Variants in CRMP1 observed in about 807,000 individuals in gnomAD.
The protein encoded by CRMP1 is collapsin response mediator protein 1, also known as dihydropyrimidinase-related protein 1.
In CRMP1, 19 loss-of-function variants were observed where a neutral mutation model predicts 68.3. The observed-to-expected ratio is 0.28, with a 90% CI of 0.19 to 0.41. The LOEUF (loss-of-function observed/expected upper bound fraction) is 0.41, where lower values mean the gene tolerates loss of function less well. Among genes scored for constraint, CRMP1 ranks in the 10% least tolerant of loss-of-function variants. The probability of loss-of-function intolerance (pLI) is 1.00; values close to 1 mark genes in which losing one functional copy is unlikely to be tolerated. For missense variants in CRMP1, 791 were observed against 967.4 expected, an observed-to-expected ratio of 0.82 and a Z score of 2.42; for synonymous variants, 439 against 399.6, an observed-to-expected ratio of 1.10 and a Z score of -1.18.
Position 5,834,248 on chromosome 4 carries a change from A to G in CRMP1, c.1623+1667T>C, listed in dbSNP as rs781157448. Among the ~76,000 whole-genome samples the G allele has an allele frequency of 6.6e-6, 1 of 152,176 alleles. No individual in the cohort carries two copies. Among genetic ancestry groups the G allele is most frequent in the Non-Finnish European group, 1.5e-5 (1 of 68,032 alleles). On this transcript the variant is annotated intron_variant, in intron 11 of 13. Coordinates refer to ENST00000324989, the MANE Select transcript of CRMP1 (RefSeq NM_001014809.3). This position sits in a 1 kb window ranked among gnomAD's most constrained non-coding sequence, Gnocchi z 4.3. ...GCTATGGTTGGAATATCCCCTCAAA[A>G]TTCAACTGGACATTGACTTGCCATT... is the stretch of plus-strand genomic sequence containing the variant.
chr4:5,884,139 T>C (rs1222022477), intron 1 of CRMP1, among the ~76,000 whole-genome samples: 1 of 152,204 alleles, frequency 6.6e-6, no homozygotes, highest in Non-Finnish European at 1.5e-5. Flanking sequence ...TCAGTCCTGC[T>C]ATTCGACTTC....
At position 5,892,856 on chromosome 4, in the gene CRMP1, C is replaced by T. The variant is rs1245349042; in HGVS notation, c.114G>A (p.Ala38=). Residue 38 remains alanine, a synonymous_variant, in exon 1 of 14, where the codon GCG becomes GCA. Coordinates refer to ENST00000324989, the MANE Select transcript of CRMP1 (RefSeq NM_001014809.3). This position sits in a 1 kb window ranked among gnomAD's most constrained non-coding sequence, Gnocchi z 8.6. ...TCTTGTTCTCGTAGGCGCCCTCCAC[C>T]GCGGCGAACATGCCGCCGTACTTCT... is the stretch of plus-strand genomic sequence containing the variant. ...PRQKYGGMFA[A]VEGAYENKTI... is the part of the protein sequence containing the mutation. The T allele has an allele frequency of 2.1e-6, 3 of 1,417,084 alleles. No homozygotes were observed. Among genetic ancestry groups the T allele is most frequent in the Non-Finnish European group, 1.9e-6 (2 of 1,074,472 alleles). The allele number at this position is 1,417,084 out of a possible 1,614,324, so 87.8% of individuals were successfully genotyped here. A position where few individuals can be genotyped will look rare whatever the true frequency, so the allele number is the denominator to read the frequency against.
At position 5,866,374 on chromosome 4, in the gene CRMP1, C is replaced by T. The variant is rs1373163280; in HGVS notation, c.470+294G>A. The stretch of plus-strand genomic sequence containing the variant: ...CCCAGACTCATTGGCCTGCCGCCTC[C>T]AAAACCACAAAACAGGAAACGTGTC... On this transcript the variant is annotated intron_variant, in intron 2 of 13. Coordinates refer to ENST00000324989, the MANE Select transcript of CRMP1 (RefSeq NM_001014809.3). This position sits in a 1 kb window ranked among gnomAD's most constrained non-coding sequence, Gnocchi z 5.9. Among the ~76,000 whole-genome samples, 1 of 152,216 alleles carries T rather than the reference C, an allele frequency of 6.6e-6. No individual in the cohort carries two copies. Among genetic ancestry groups the T allele is most frequent in the African/African-American group, 2.4e-5 (1 of 41,458 alleles).
At position 5,865,088 on chromosome 4, in the gene CRMP1, C is replaced by G. The variant is rs1713889810; in HGVS notation, c.470+1580G>C. Among the ~76,000 whole-genome samples the G allele has an allele frequency of 6.6e-6, 1 of 151,980 alleles. No individual in the cohort carries two copies. The highest frequency in any genetic ancestry group is 6.5e-5 in the Admixed American group (1 of 15,270). ...CCCCAGCCTCCTCCTCCTCCTCCAT[C>G]ATCATCTCCAAAGCCCACACGGGCC... is the stretch of plus-strand genomic sequence containing the variant. On this transcript the variant is annotated intron_variant, in intron 2 of 13. Coordinates refer to ENST00000324989, the MANE Select transcript of CRMP1 (RefSeq NM_001014809.3). The surrounding 1 kb of genome is among the most constrained non-coding windows in gnomAD (Gnocchi z 4.1).
chr4:5,856,882 C>CCACCCACTATCAT (rs1713118105), intron 3 of CRMP1, among the ~76,000 whole-genome samples: 1 of 151,640 alleles, frequency 6.6e-6, no homozygotes, highest in African/African-American at 2.4e-5. Flanking sequence ...ATCACCACCA[C>CCACCCACTATCAT]CACCACCATC....
In CRMP1 at chr4:5,841,257, C is replaced by T. The variant is rs774383809; in HGVS notation, c.1153+51G>A. The T allele has an allele frequency of 2.5e-6, 4 of 1,613,066 alleles. No homozygotes were observed. The highest frequency in any genetic ancestry group is 3.4e-6 in the Non-Finnish European group (4 of 1,179,624). Reference sequence around the variant, plus strand: ...GGAGTGAACTTGAACCTGCAGGACACCCCCTTCCAGGCCCCAGCTGCCCCC... The same window carrying T: ...GGAGTGAACTTGAACCTGCAGGACATCCCCTTCCAGGCCCCAGCTGCCCCC... On this transcript the variant is annotated intron_variant, in intron 8 of 13. Coordinates refer to ENST00000324989, the MANE Select transcript of CRMP1 (RefSeq NM_001014809.3). The surrounding 1 kb of genome is among the most constrained non-coding windows in gnomAD (Gnocchi z 6.9).
rs1169236025 is a variant in CRMP1, at chr4:5,842,552, C to A, written c.1032+541G>T. On this transcript the variant is annotated intron_variant, in intron 7 of 13. Coordinates refer to ENST00000324989, the MANE Select transcript of CRMP1 (RefSeq NM_001014809.3). This position sits in a 1 kb window ranked among gnomAD's most constrained non-coding sequence, Gnocchi z 4.5. ...CGATCAGCTTGCCTTCCTCCTTCCA[C>A]ACTCCCTGCAGGTGCATGCACATGC... Among the ~76,000 whole-genome samples the A allele has an allele frequency of 6.6e-6, 1 of 151,908 alleles. No individual in the cohort carries two copies. Among genetic ancestry groups the A allele is most frequent in the Non-Finnish European group, 1.5e-5 (1 of 67,964 alleles).
At chr4:5,832,249 G>A (rs1350245590) in intron 11 of CRMP1, among the ~76,000 whole-genome samples, 3 of 152,186 alleles carry the variant, frequency 2.0e-5, no homozygotes, top group African/African-American at 7.2e-5. Flanking sequence ...AATTATGATT[G>A]TACAACCTTC....
intron 5 of CRMP1, among the ~76,000 whole-genome samples, 165 bp downstream of exon 5, chr4:5,851,243 G>A (rs754710024): frequency 2.0e-5 from 3 of 152,220 alleles, no homozygotes; most frequent in Non-Finnish European, 2.9e-5. Flanking sequence ...CAGAAGCCCA[G>A]CTGGGGCAAT....
Position 5,881,656 on chromosome 4 carries a change from C to A in CRMP1, c.381+10933G>T, listed in dbSNP as rs896658485. Among the ~76,000 whole-genome samples the A allele has an allele frequency of 1.3e-5, 2 of 152,128 alleles. No individual in the cohort carries two copies. The highest frequency in any genetic ancestry group is 2.9e-5 in the Non-Finnish European group (2 of 68,036). On this transcript the variant is annotated intron_variant, in intron 1 of 13. Coordinates refer to ENST00000324989, the MANE Select transcript of CRMP1 (RefSeq NM_001014809.3). This position sits in a 1 kb window ranked among gnomAD's most constrained non-coding sequence, Gnocchi z 4.6. ...ACTTTTACTTACAGCAAATTAGACTCTATTCAACATCTCTCTGCTTGTGAA... is the reference window on the plus strand; with the variant it reads ...ACTTTTACTTACAGCAAATTAGACTATATTCAACATCTCTCTGCTTGTGAA...
At position 5,849,452 on chromosome 4, in the gene CRMP1, G is replaced by A. The variant is rs771606012; in HGVS notation, c.903C>T (p.Phe301=). Residue 301 remains phenylalanine, a synonymous_variant, in exon 6 of 14, where the codon TTC becomes TTT. Transcript: ENST00000324989. ...AGATCACAGCTCCCAGGCCCTTAAG[G>A]AAGGTAAAGGCTTCATAGAGCTATG... ...SDSQLYEAFT[F]LKGLGAVILV... is the part of the protein sequence containing the mutation. 8.1e-6 allele frequency: 13 copies of A among 1,613,592 alleles called. 1 individual carries two copies. The South Asian group carries it at 1.3e-4, about 16-fold the overall frequency.
intron 13 of CRMP1, among the ~76,000 whole-genome samples, chr4:5,822,057 C>G (rs533278262): frequency 5.6e-4 from 78 of 138,758 alleles, no homozygotes; most frequent in Non-Finnish European, 2.9e-4. Flanking sequence ...GCTCCCCCCA[C>G]CTTCAGCCCT....
chr4:5,824,384 G>C (rs1719191538), intron 13 of CRMP1: 7 of 985,186 alleles, frequency 7.1e-6, no homozygotes, highest in Non-Finnish European at 7.2e-6. Flanking sequence ...GAATGGGGAG[G>C]CCTCCTTGAT....
intron 3 of CRMP1, among the ~76,000 whole-genome samples, chr4:5,857,894 G>C (rs1313032940): frequency 6.6e-6 from 1 of 152,094 alleles, no homozygotes; most frequent in Non-Finnish European, 1.5e-5. Flanking sequence ...CCTGCAGTCA[G>C]TCTTTTAAAC....
Position 5,851,393 on chromosome 4 carries a change from G to A in CRMP1, c.882+15C>T. ...GCCCAGACAAGAGAGGAGAGAGTGAGTGTGAGGGACCTACCTGGCTGTCGG... is the reference window on the plus strand; with the variant it reads ...GCCCAGACAAGAGAGGAGAGAGTGAATGTGAGGGACCTACCTGGCTGTCGG... On this transcript the variant is annotated intron_variant, in intron 5 of 13. Transcript: ENST00000324989. 6.2e-7 allele frequency: 1 copy of A among 1,613,064 alleles called. No homozygotes were observed. Among genetic ancestry groups the A allele is most frequent in the Non-Finnish European group, 8.5e-7 (1 of 1,178,954 alleles).
chr4:5,824,938 C>T (rs967394671), intron 13 of CRMP1: 14 of 985,428 alleles, frequency 1.4e-5, no homozygotes, highest in Non-Finnish European at 1.7e-5. Flanking sequence ...TTTGTTCCCA[C>T]ACATTTGTTG....
chr4:5,850,459 G>C lies in CRMP1; in HGVS notation c.882+949C>G, dbSNP rs992006977. On this transcript the variant is annotated intron_variant, in intron 5 of 13. Coordinates refer to ENST00000324989, the MANE Select transcript of CRMP1 (RefSeq NM_001014809.3). The surrounding 1 kb of genome is among the most constrained non-coding windows in gnomAD (Gnocchi z 4.4). The stretch of plus-strand genomic sequence containing the variant: ...AGGCCTCCAGGACATCTTGGGATAA[G>C]TTATTTTCTGTAACCCCAAGTGTTT... 6.6e-6 allele frequency among the ~76,000 whole-genome samples: 1 copy of C among 152,172 alleles called. No individual in the cohort carries two copies. Among genetic ancestry groups the C allele is most frequent in the Non-Finnish European group, 1.5e-5 (1 of 68,028 alleles).
intron 1 of CRMP1, among the ~76,000 whole-genome samples, chr4:5,875,291 C>T (rs566249707): frequency 2.6e-5 from 4 of 151,898 alleles, no homozygotes; most frequent in Non-Finnish European, 4.4e-5. Flanking sequence ...GGCATTAAAC[C>T]TCCCCGGGTT....
intron 11 of CRMP1, among the ~76,000 whole-genome samples, chr4:5,830,355 T>TAGTC (rs1340339906): frequency 6.6e-6 from 1 of 152,250 alleles, no homozygotes; most frequent in Non-Finnish European, 1.5e-5. Flanking sequence ...AATTTTTGTG[T>TAGTC]AGTCAGTGGT....
Sources: allele counts gnomAD v4.1 joint callset (sites outside exome capture counted in the v4.1 genomes callset), GRCh38; gene constraint gnomAD v4.1.1; non-coding constraint Gnocchi (gnomAD v3.1); transcripts MANE v1.5; gene names NCBI Gene and HGNC (gene_info 2026-07-23, HGNC 2026-07-21).